STAT4: variants seen among roughly 807,000 people sequenced by gnomAD.
The protein encoded by STAT4 is signal transducer and activator of transcription 4.
STAT4 carries 42 observed loss-of-function variants against 110.5 expected under a neutral mutation model. That is an observed-to-expected ratio of 0.38 (90% CI 0.30 to 0.49). The LOEUF is 0.49. Ranked by LOEUF, STAT4 falls within the 20% of genes least tolerant of loss-of-function variation. The pLI, the probability that STAT4 is intolerant of heterozygous loss-of-function variation, is 0.95. For missense variants in STAT4, 632 were observed against 887.9 expected (o/e 0.71, Z 3.66); for synonymous variants, 284 against 302.2 (o/e 0.94, Z 0.63).
chr2:191,123,918 G>A (rs56275638), intron 3 of STAT4, among the ~76,000 whole-genome samples: 16,793 of 152,182 alleles, frequency 0.11, 1,195 homozygotes, highest in Middle Eastern at 0.2. Flanking sequence ...TCATAAAGTT[G>A]AAAAATTGTA....
intron 3 of STAT4, among the ~76,000 whole-genome samples, chr2:191,101,173 T>A (rs1290808629): frequency 2.0e-5 from 3 of 152,052 alleles, no homozygotes; most frequent in Non-Finnish European, 4.4e-5. Context: ...GCAGAAAAAA[T>A]TTTAAATGCA....
In STAT4 at chr2:191,062,810, G is replaced by A. The variant is rs200982266; in HGVS notation, c.893C>T (p.Thr298Ile). ...YEGDPIPMQR[T>I]HMLERVTFLI... ...GAAGGTGACTCTTTCTAGCATGTGA[G>A]TTCTTTGCATTGGAATGGGATCACC... The change falls in exon 9 of 24, where the codon ACT becomes ATT. Residue 298 changes from threonine to isoleucine, a missense_variant. Coordinates refer to ENST00000392320, the MANE Select transcript of STAT4 (RefSeq NM_003151.4). The surrounding 1 kb of genome is among the most constrained non-coding windows in gnomAD (Gnocchi z 4.9). 118 of 1,613,936 alleles carry A rather than the reference G, an allele frequency of 7.3e-5. No homozygotes were observed. The highest frequency in any genetic ancestry group is 1.1e-4 in the East Asian group (5 of 44,858).
At chr2:191,038,461 G>T (rs1407336912) in intron 16 of STAT4, among the ~76,000 whole-genome samples, 1 of 152,146 alleles carries the variant, frequency 6.6e-6, no homozygotes, top group African/African-American at 2.4e-5. Flanking sequence ...CCTTTGGAGG[G>T]AACATTTGCT....
chr2:191,059,306 A>G lies in STAT4; in HGVS notation c.1035-537T>C, dbSNP rs1237932604. On this transcript the variant is annotated intron_variant, in intron 10 of 23. Coordinates refer to ENST00000392320, the MANE Select transcript of STAT4 (RefSeq NM_003151.4). The surrounding 1 kb of genome is among the most constrained non-coding windows in gnomAD (Gnocchi z 4.7). Reference sequence around the variant, plus strand: ...AACAGCAAAAACGTTCATTAAAAAAACAAACTTCAAATGAACAAGTAATTG... The same window carrying G: ...AACAGCAAAAACGTTCATTAAAAAAGCAAACTTCAAATGAACAAGTAATTG... Among the ~76,000 whole-genome samples, 2 of 152,264 alleles carry G rather than the reference A, an allele frequency of 1.3e-5. No individual in the cohort carries two copies. The highest frequency in any genetic ancestry group is 2.4e-5 in the African/African-American group (1 of 41,478).
Position 191,150,125 on chromosome 2 carries a change from T to A in STAT4, c.-2+822A>T, listed in dbSNP as rs535899608. On this transcript the variant is annotated intron_variant, in intron 1 of 23. Coordinates refer to ENST00000392320, the MANE Select transcript of STAT4 (RefSeq NM_003151.4). This position sits in a 1 kb window ranked among gnomAD's most constrained non-coding sequence, Gnocchi z 6.4. ...TTCCATAAATATTTACAATTGTGTG[T>A]CAAATGAAAATAAAAGGAAAATTAA... Among the ~76,000 whole-genome samples the A allele has an allele frequency of 4.7e-4, 72 of 152,000 alleles. No individual in the cohort carries two copies. Among genetic ancestry groups the A allele is most frequent in the African/African-American group, 1.7e-3 (69 of 41,440 alleles).
intron 8 of STAT4, among the ~76,000 whole-genome samples, chr2:191,064,227 T>C (rs935145548): frequency 6.6e-6 from 1 of 152,240 alleles, no homozygotes; most frequent in African/African-American, 2.4e-5. Context: ...AATAGTTACA[T>C]CAACGGAATA....
chr2:191,039,784 G>T lies in STAT4; in HGVS notation c.1336-487C>A, dbSNP rs1474141288. On this transcript the variant is annotated intron_variant, in intron 15 of 23. Coordinates refer to ENST00000392320, the MANE Select transcript of STAT4 (RefSeq NM_003151.4). This position sits in a 1 kb window ranked among gnomAD's most constrained non-coding sequence, Gnocchi z 4.7. ...GTAAAAATAGGAGAGATAAGCTATG[G>T]GAGATAGAGCCGTCTGTGCTATTGT... Among the ~76,000 whole-genome samples, 1 of 152,210 alleles carries T rather than the reference G, an allele frequency of 6.6e-6. No homozygotes were observed. The highest frequency in any genetic ancestry group is 2.4e-5 in the African/African-American group (1 of 41,454).
Position 191,039,424 on chromosome 2 carries a change from G to A in STAT4, c.1336-127C>T. On this transcript the variant is annotated intron_variant, in intron 15 of 23. Transcript: ENST00000392320. This position sits in a 1 kb window ranked among gnomAD's most constrained non-coding sequence, Gnocchi z 4.7. ...CACACCTCCAGTCCTGATGTCCATG[G>A]TGCCCTGGTCACTGAAATGACTTGT... is the stretch of plus-strand genomic sequence containing the variant. 2.7e-6 allele frequency: 2 copies of A among 735,298 alleles called. No homozygotes were observed. Among genetic ancestry groups the A allele is most frequent in the Non-Finnish European group, 2.4e-6 (1 of 416,872 alleles). 45.5% of individuals were successfully genotyped at this position (735,298 alleles called of 1,614,324 possible).
intron 14 of STAT4, among the ~76,000 whole-genome samples, chr2:191,048,788 CAAAAAAAAAAA>C (rs60267174): frequency 1.4e-4 from 7 of 48,768 alleles, no homozygotes; most frequent in African/African-American, 7.1e-4. Flanking sequence ...AACTCCATCT[CAAAAAAAAAAA>C]AAAAAAAAAA....
intron 14 of STAT4, among the ~76,000 whole-genome samples, chr2:191,052,738 G>A (rs888655684): frequency 3.9e-5 from 6 of 152,176 alleles, no homozygotes; most frequent in Admixed American, 6.5e-5. Flanking sequence ...ATGAAATGTT[G>A]CAACTCTAGC....
chr2:191,052,453 C>T (rs1696555761), intron 14 of STAT4, among the ~76,000 whole-genome samples: 1 of 152,096 alleles, frequency 6.6e-6, no homozygotes, highest in Non-Finnish European at 1.5e-5. Flanking sequence ...TTTTGCTATT[C>T]ATCAGAAAAT....
Position 191,146,900 on chromosome 2 carries a change from GA to G in STAT4, c.129-144del. 1 of 756,768 alleles carries G rather than the reference GA, an allele frequency of 1.3e-6. No individual in the cohort carries two copies. The highest frequency in any genetic ancestry group is 1.9e-6 in the Non-Finnish European group (1 of 534,358). 46.9% of individuals were successfully genotyped at this position (756,768 alleles called of 1,614,324 possible). ...TAAAAAATTAAATTGTTAACATGAAGAGATGCTCAACATCACTAATCATTAG... is the reference window on the plus strand; with the variant it reads ...TAAAAAATTAAATTGTTAACATGAAGGATGCTCAACATCACTAATCATTAG... On this transcript the variant is annotated intron_variant, in intron 2 of 23. Transcript: ENST00000392320. This position sits in a 1 kb window ranked among gnomAD's most constrained non-coding sequence, Gnocchi z 4.5.
intron 14 of STAT4, among the ~76,000 whole-genome samples, chr2:191,047,658 A>G (rs1180235387): frequency 6.6e-6 from 1 of 151,944 alleles, no homozygotes; most frequent in Non-Finnish European, 1.5e-5. Context: ...TCCAGCCTCT[A>G]TAGTTTAATT....
chr2:191,127,041 C>T (rs1250302236), intron 3 of STAT4, among the ~76,000 whole-genome samples: 2 of 151,596 alleles, frequency 1.3e-5, no homozygotes, highest in African/African-American at 2.4e-5. Flanking sequence ...AGGCTGGAGG[C>T]TAACTTTTGT....
intron 3 of STAT4, among the ~76,000 whole-genome samples, chr2:191,118,438 C>A (rs572765949): frequency 6.6e-6 from 1 of 152,282 alleles, no homozygotes; most frequent in South Asian, 2.1e-4. Flanking sequence ...AGATCTTCAT[C>A]TTTCACTTCC....
Position 191,117,774 on chromosome 2 carries a change from C to T in STAT4, c.273+28839G>A, listed in dbSNP as rs1368112732. ...CTTCCGATGCCTGGATGCATCCCTC[C>T]TTTGTGAACTCCCTGAATCCTACCT... On this transcript the variant is annotated intron_variant, in intron 3 of 23. Transcript: ENST00000392320. The surrounding 1 kb of genome is among the most constrained non-coding windows in gnomAD (Gnocchi z 5.2). Among the ~76,000 whole-genome samples, 1 of 152,192 alleles carries T rather than the reference C, an allele frequency of 6.6e-6. No homozygotes were observed. The highest frequency in any genetic ancestry group is 1.9e-4 in the East Asian group (1 of 5,198).
intron 3 of STAT4, among the ~76,000 whole-genome samples, chr2:191,106,704 AT>A (rs996246306): frequency 9.2e-5 from 14 of 151,930 alleles, no homozygotes; most frequent in African/African-American, 3.4e-4. Flanking sequence ...AAATAAAAAA[AT>A]GTACTCAATT....
At chr2:191,056,234 C>T (rs1047860827) in intron 13 of STAT4, among the ~76,000 whole-genome samples, 83 of 152,174 alleles carry the variant, frequency 5.5e-4, no homozygotes, top group African/African-American at 2.0e-3. Flanking sequence ...GAGGCAATTG[C>T]TAAATGTTAA....
intron 4 of STAT4, 82 bp downstream of exon 4, chr2:191,076,145 T>G: frequency 8.5e-7 from 1 of 1,176,366 alleles, no homozygotes. Flanking sequence ...TGAGCCACTG[T>G]ACCCTACCAA....
Sources: allele counts gnomAD v4.1 joint callset (sites outside exome capture counted in the v4.1 genomes callset), GRCh38; gene constraint gnomAD v4.1.1; non-coding constraint Gnocchi (gnomAD v3.1); transcripts MANE v1.5; gene names NCBI Gene and HGNC (gene_info 2026-07-23, HGNC 2026-07-21).